The following DAAM2 variants were observed in gnomAD, a reference collection of about 807,000 sequenced individuals.
DAAM2 encodes disheveled-associated activator of morphogenesis 2.
In DAAM2, 39 loss-of-function variants were observed where a neutral mutation model predicts 120.7. That is an observed-to-expected ratio of 0.32 (90% CI 0.25 to 0.42). The LOEUF (loss-of-function observed/expected upper bound fraction) is 0.42, where lower values mean the gene tolerates loss of function less well. DAAM2 is among the 10% of genes least tolerant of loss of function. The probability of loss-of-function intolerance (pLI) is 1.00; values close to 1 mark genes in which losing one functional copy is unlikely to be tolerated. For missense variants in DAAM2, 1,283 were observed against 1,401.7 expected (o/e 0.92, Z 1.35); for synonymous variants, 488 against 524.9 (o/e 0.93, Z 0.96).
At chr6:39,871,473 T>C (rs1287483264) in intron 8 of DAAM2, 33 bp from the exon 9 acceptor site, 3 of 1,542,908 alleles carry the variant, frequency 1.9e-6, no homozygotes, top group East Asian at 2.4e-5. Context: ...CTGGCTGTAA[T>C]GTCTACTCTC....
rs1764004907 is a variant in DAAM2 at position 39,856,400 on chromosome 6, T to C, written c.98T>C (p.Leu33Pro). 1.3e-6 allele frequency: 2 copies of C among 1,551,468 alleles called. No homozygotes were observed. Among genetic ancestry groups the C allele is most frequent in the African/African-American group, 1.4e-5 (1 of 72,372 alleles). The change falls in exon 2 of 25, where the codon CTG (leucine) becomes CCG (proline). Residue 33 changes from leucine (L) to proline (P), a missense_variant. This residue lies in a region of DAAM2 where 197 missense variants were observed against 189.3 expected (regional missense o/e 1.04). Coordinates refer to ENST00000274867, the MANE Select transcript of DAAM2 (RefSeq NM_001201427.2). Reference protein sequence around the residue: ...PEINLRDNHPLQFMEFSSPIP... With the variant: ...PEINLRDNHPPQFMEFSSPIP... ...ATCAACCTCCGGGACAACCACCCTC[T>C]GCAGTTCATGGAGTTCTCCAGCCCC...
intron 1 of DAAM2, among the ~76,000 whole-genome samples, chr6:39,847,296 G>C (rs184207494): frequency 1.6e-4 from 24 of 152,318 alleles, no homozygotes; most frequent in Non-Finnish European, 2.8e-4. Flanking sequence ...GAACGGTGCT[G>C]AGGCCTCAGC....
In DAAM2 at chr6:39,903,034, G is replaced by A. The variant is rs1196380919; in HGVS notation, c.*997G>A. ...TTCTCTACTTCATATAAATTGCTCAGGCCCTCCCACCCCTTCTCTAACACT... is the reference window on the plus strand; with the variant it reads ...TTCTCTACTTCATATAAATTGCTCAAGCCCTCCCACCCCTTCTCTAACACT... On this transcript the variant is annotated 3_prime_UTR_variant, in exon 25 of 25. Coordinates refer to ENST00000274867, the MANE Select transcript of DAAM2 (RefSeq NM_001201427.2). The A allele has an allele frequency of 6.6e-6, 1 of 152,252 alleles. No homozygotes were observed. Among genetic ancestry groups the A allele is most frequent in the Non-Finnish European group, 1.5e-5 (1 of 68,072 alleles). The allele number at this position is 152,252 out of a possible 1,614,324, so 9.4% of individuals were successfully genotyped here. A position where few individuals can be genotyped will look rare whatever the true frequency, so the allele number is the denominator to read the frequency against.
At chr6:39,898,545 G>A (rs528428132) in intron 21 of DAAM2, among the ~76,000 whole-genome samples, 2 of 152,298 alleles carry the variant, frequency 1.3e-5, no homozygotes, top group South Asian at 2.1e-4. Flanking sequence ...CACATAAAGA[G>A]CTTATAAGCA....
intron 1 of DAAM2, among the ~76,000 whole-genome samples, chr6:39,817,274 CT>C (rs1471047235): frequency 6.6e-6 from 1 of 152,172 alleles, no homozygotes; most frequent in African/African-American, 2.4e-5. Flanking sequence ...TCCTTGCCCC[CT>C]AATGTCTTAA....
In DAAM2 at chr6:39,901,878, G is replaced by A. The variant is rs374196297; in HGVS notation, c.3048G>A (p.Ser1016=). 225 of 1,595,686 alleles carry A rather than the reference G, an allele frequency of 1.4e-4. 1 individual carries two copies. In the South Asian group the frequency reaches 2.1e-3, roughly 15 times the overall value. ...GGAAGGTCCTGGCTGCAGGCAGCTCGCTGGAGGAGGGAGGAGAGTTCGATG... is the reference window on the plus strand; with the variant it reads ...GGAAGGTCCTGGCTGCAGGCAGCTCACTGGAGGAGGGAGGAGAGTTCGATG... The part of the protein sequence containing the change: ...RQRKVLAAGS[S]LEEGGEFDDL... Residue 1016 remains serine, a synonymous_variant, in exon 25 of 25, where the codon TCG becomes TCA. Coordinates refer to ENST00000274867, the MANE Select transcript of DAAM2 (RefSeq NM_001201427.2). The surrounding 1 kb of genome is among the most constrained non-coding windows in gnomAD (Gnocchi z 4.5).
chr6:39,838,908 C>T (rs1479700217), intron 1 of DAAM2, among the ~76,000 whole-genome samples: 1 of 152,126 alleles, frequency 6.6e-6, no homozygotes, highest in Non-Finnish European at 1.5e-5. Context: ...ACCCACCCAC[C>T]TCGGCCTCCC....
At chr6:39,870,226 T>C (rs1764600730) in intron 7 of DAAM2, 114 bp from the exon 8 acceptor site, 1 of 663,536 alleles carries the variant, frequency 1.5e-6, no homozygotes, top group Admixed American at 2.4e-5. Flanking sequence ...CCAGGTGAGT[T>C]AGCTGTGGGA....
At chr6:39,857,202 CAA>C (rs1204742804) in intron 2 of DAAM2, among the ~76,000 whole-genome samples, 1 of 152,172 alleles carries the variant, frequency 6.6e-6, no homozygotes, top group Non-Finnish European at 1.5e-5. Flanking sequence ...GGTGGTGAGA[CAA>C]AGTCTGCACA....
chr6:39,872,912 T>C (rs1230672600), intron 9 of DAAM2, among the ~76,000 whole-genome samples: 1 of 152,124 alleles, frequency 6.6e-6, no homozygotes, highest in Non-Finnish European at 1.5e-5. Context: ...TCTGGGGACA[T>C]TTTGACTTGT....
chr6:39,814,951 C>A (rs1264240028), intron 1 of DAAM2, among the ~76,000 whole-genome samples: 1 of 152,248 alleles, frequency 6.6e-6, no homozygotes, highest in Non-Finnish European at 1.5e-5. Flanking sequence ...GACCAGATGT[C>A]ACCCGAGGAG....
At chr6:39,845,676 T>C (rs1410195703) in intron 1 of DAAM2, among the ~76,000 whole-genome samples, 1 of 152,052 alleles carries the variant, frequency 6.6e-6, no homozygotes, top group African/African-American at 2.4e-5. Flanking sequence ...CTGTCTTTAG[T>C]GAGCATCTCC....
intron 1 of DAAM2, among the ~76,000 whole-genome samples, chr6:39,852,848 G>C (rs1288285798): frequency 6.6e-6 from 1 of 152,226 alleles, no homozygotes; most frequent in African/African-American, 2.4e-5. Flanking sequence ...TGAAAGAGGT[G>C]TCAGAGCAGG....
At chr6:39,816,381 T>C (rs1762310260) in intron 1 of DAAM2, among the ~76,000 whole-genome samples, 1 of 152,210 alleles carries the variant, frequency 6.6e-6, no homozygotes, top group Non-Finnish European at 1.5e-5. Flanking sequence ...AGGTTCTCAA[T>C]CTTGATACTA....
chr6:39,815,726 G>A (rs192321351), intron 1 of DAAM2, among the ~76,000 whole-genome samples: 1 of 151,960 alleles, frequency 6.6e-6, no homozygotes, highest in East Asian at 1.9e-4. Context: ...ACTTTATGGA[G>A]GTCTGGGGAG....
intron 2 of DAAM2, among the ~76,000 whole-genome samples, chr6:39,856,735 A>G (rs980626704): frequency 6.6e-6 from 1 of 152,220 alleles, no homozygotes; most frequent in Admixed American, 6.5e-5. Flanking sequence ...TAATTAGGTT[A>G]TCATAGGAAG....
chr6:39,866,610 A>G (rs10456475), intron 5 of DAAM2, among the ~76,000 whole-genome samples: 15,374 of 152,202 alleles, frequency 0.1, 1,216 homozygotes, highest in African/African-American at 0.22. Flanking sequence ...AATAATAGAT[A>G]AAAAGATAGG....
At chr6:39,899,901 G>T in intron 22 of DAAM2, 176 bp from the exon 23 acceptor site, 1 of 628,300 alleles carries the variant, frequency 1.6e-6, no homozygotes, top group South Asian at 2.2e-5. Context: ...TGGCAGGGTG[G>T]GCTGGCTGCT....
At chr6:39,837,663 CAAAAAAAA>C (rs758751293) in intron 1 of DAAM2, among the ~76,000 whole-genome samples, 2 of 41,196 alleles carry the variant, frequency 4.9e-5, no homozygotes, top group East Asian at 8.3e-4. Context: ...AACTCCATCT[CAAAAAAAA>C]AAAAAAAAAA....
Sources: gnomAD v4.1 joint callset for allele counts (sites outside exome capture counted in the v4.1 genomes callset) on GRCh38, gnomAD v4.1.1 for gene constraint, gnomAD v4.1.1 regional missense constraint, Gnocchi (gnomAD v3.1) non-coding constraint, MANE v1.5 for transcripts, NCBI Gene and HGNC (gene_info 2026-07-23, HGNC 2026-07-21) for gene names.